WWOX: variants seen among roughly 807,000 people sequenced by gnomAD.
WWOX encodes the protein WW domain containing oxidoreductase.
In WWOX, 69 loss-of-function variants were observed where a neutral mutation model predicts 46.2. The observed-to-expected ratio is 1.49, with a 90% CI of 1.23 to 1.82. The LOEUF (loss-of-function observed/expected upper bound fraction) is 1.82. Among genes scored for constraint, WWOX ranks in the 40% most tolerant of loss-of-function variants. The probability of loss-of-function intolerance (pLI) is 0.00; values close to 1 mark genes in which losing one functional copy is unlikely to be tolerated. For synonymous variants in WWOX, 359 were observed against 202.6 expected (o/e 1.77, Z -6.56); for missense variants, 919 against 542.6 (o/e 1.69, Z -6.89).
At chr16:78,838,822 A>G (rs1433502835) in intron 8 of WWOX, among the ~76,000 whole-genome samples, 2 of 152,188 alleles carry the variant, frequency 1.3e-5, no homozygotes, top group Admixed American at 1.3e-4. Flanking sequence ...CAGCCTGGGC[A>G]ACAGAGTGGT....
At chr16:78,661,307 A>G (rs899597401) in intron 8 of WWOX, among the ~76,000 whole-genome samples, 1 of 152,174 alleles carries the variant, frequency 6.6e-6, no homozygotes, top group Non-Finnish European at 1.5e-5. Flanking sequence ...AGCAATCAGC[A>G]CGCCATTTTT....
chr16:78,314,712 T>TTTTTG (rs1567494583), intron 5 of WWOX, among the ~76,000 whole-genome samples: 11 of 138,554 alleles, frequency 7.9e-5, no homozygotes, highest in African/African-American at 3.3e-4. Flanking sequence ...TTTTTTTTTT[T>TTTTTG]TTTTTTTTTC....
rs762308058 is a variant in WWOX, at chr16:79,212,604, T to A, written c.*808T>A. 1 of 159,526 alleles carries A rather than the reference T, an allele frequency of 6.3e-6. No individual in the cohort carries two copies. The highest frequency in any genetic ancestry group is 1.4e-5 in the Non-Finnish European group (1 of 71,838). 9.9% of individuals were successfully genotyped at this position (159,526 alleles called of 1,614,324 possible). On this transcript the variant is annotated 3_prime_UTR_variant, in exon 9 of 9. Transcript: ENST00000566780. ...AGTCTCAGTTCTCTTGCTTTCACAT[T>A]GTACTTAAACCTCCTGCTGTGCCTC...
At chr16:78,167,303 G>A (rs1439105456) in intron 5 of WWOX, 1 of 152,136 alleles carries the variant, frequency 6.6e-6, no homozygotes, top group East Asian at 1.9e-4. Flanking sequence ...CATCTTTAAG[G>A]AAAAAGGTTG....
chr16:78,922,123 T>C (rs114661515), intron 8 of WWOX, among the ~76,000 whole-genome samples: 1,630 of 152,262 alleles, frequency 0.011, 25 homozygotes, highest in African/African-American at 0.036. Flanking sequence ...TATTGGGTCT[T>C]CGTTGCGTAG....
chr16:78,602,590 C>G (rs539811066), intron 8 of WWOX, among the ~76,000 whole-genome samples: 2 of 152,270 alleles, frequency 1.3e-5, no homozygotes, highest in South Asian at 2.1e-4. Flanking sequence ...TAGCATCATC[C>G]CTTTCCATGC....
chr16:78,584,799 C>T (rs2045153206), intron 8 of WWOX, among the ~76,000 whole-genome samples: 1 of 152,216 alleles, frequency 6.6e-6, no homozygotes, highest in Admixed American at 6.5e-5. Context: ...GTGATGTGAT[C>T]ACTTGGCCGT....
chr16:78,985,612 T>C (rs2046769446), intron 8 of WWOX, among the ~76,000 whole-genome samples: 2 of 152,066 alleles, frequency 1.3e-5, no homozygotes, highest in Non-Finnish European at 2.9e-5. Context: ...CTACTAAAAA[T>C]ACAAAAATTA....
At chr16:78,932,513 C>T (rs774187848) in intron 8 of WWOX, among the ~76,000 whole-genome samples, 3 of 152,202 alleles carry the variant, frequency 2.0e-5, no homozygotes, top group South Asian at 4.1e-4. Flanking sequence ...TCTTGCAAAC[C>T]TTGAAGTGGG....
chr16:78,898,357 A>G (rs888597396), intron 8 of WWOX: 7 of 152,138 alleles, frequency 4.6e-5, no homozygotes, highest in African/African-American at 1.4e-4. Context: ...TTTTCTCTCC[A>G]TAAGACTCTC....
At chr16:78,788,438 C>T (rs2050510621) in intron 8 of WWOX, among the ~76,000 whole-genome samples, 2 of 152,316 alleles carry the variant, frequency 1.3e-5, no homozygotes, top group East Asian at 1.9e-4. Context: ...CAGACCCTCC[C>T]CAGAGAGTCA....
intron 8 of WWOX, among the ~76,000 whole-genome samples, chr16:79,210,153 G>T (rs372241876): frequency 6.6e-6 from 1 of 152,152 alleles, no homozygotes; most frequent in African/African-American, 2.4e-5. Flanking sequence ...GCCCAGAGTC[G>T]TATCACTTGA....
intron 1 of WWOX, among the ~76,000 whole-genome samples, chr16:78,100,734 A>G (rs77937357): frequency 1.3e-5 from 2 of 152,324 alleles, no homozygotes; most frequent in East Asian, 3.9e-4. Flanking sequence ...CTGTGCGTAA[A>G]GCACATAGCA....
At chr16:78,144,201 C>T (rs188908422) in intron 4 of WWOX, among the ~76,000 whole-genome samples, 2 of 151,428 alleles carry the variant, frequency 1.3e-5, no homozygotes, top group African/African-American at 2.4e-5. Context: ...AAATAGTTTT[C>T]GGTAGTGGCT....
chr16:78,205,956 C>G (rs1016460575), intron 5 of WWOX, among the ~76,000 whole-genome samples: 1 of 151,004 alleles, frequency 6.6e-6, no homozygotes, highest in Non-Finnish European at 1.5e-5. Flanking sequence ...TCCTTCCTTT[C>G]TTTCCTCCCT....
chr16:78,721,941 C>G (rs915186029), intron 8 of WWOX, among the ~76,000 whole-genome samples: 5 of 152,228 alleles, frequency 3.3e-5, no homozygotes, highest in Non-Finnish European at 7.3e-5. Context: ...TGTGACTTTC[C>G]TTTGCTACTT....
intron 8 of WWOX, among the ~76,000 whole-genome samples, chr16:78,748,846 T>C (rs2049411380): frequency 6.6e-6 from 1 of 152,230 alleles, no homozygotes; most frequent in Admixed American, 6.5e-5. Flanking sequence ...GCCATATATC[T>C]TAAGTAGGAA....
intron 8 of WWOX, among the ~76,000 whole-genome samples, chr16:78,725,012 C>G (rs1399357947): frequency 6.6e-6 from 1 of 152,124 alleles, no homozygotes; most frequent in Non-Finnish European, 1.5e-5. Context: ...CCACCCAAAT[C>G]TCATCTTGAA....
chr16:78,286,040 G>A (rs918891388), intron 5 of WWOX, among the ~76,000 whole-genome samples: 5 of 152,264 alleles, frequency 3.3e-5, no homozygotes, highest in South Asian at 4.2e-4. Flanking sequence ...AGTACAAGGC[G>A]AGATCGACGT....
Sources: gnomAD v4.1 joint callset for allele counts (sites outside exome capture counted in the v4.1 genomes callset) on GRCh38, gnomAD v4.1.1 for gene constraint, MANE v1.5 for transcripts, NCBI Gene and HGNC (gene_info 2026-07-23, HGNC 2026-07-21) for gene names.